Variants in CSRP1 observed in about 807,000 individuals in gnomAD.
The protein encoded by CSRP1 is cysteine and glycine rich protein 1.
In CSRP1, 16 loss-of-function variants were observed where a neutral mutation model predicts 25.4. That is an observed-to-expected ratio of 0.63 (90% confidence interval 0.43 to 0.96). The LOEUF is 0.96. CSRP1 is among the 40% of genes least tolerant of loss of function. The probability of loss-of-function intolerance (pLI) is 0.00; values close to 1 mark genes in which losing one functional copy is unlikely to be tolerated. For missense variants in CSRP1, 212 were observed against 243.6 expected (o/e 0.87, Z 0.86); for synonymous variants, 97 against 95.3 (o/e 1.02, Z -0.10).
intron 4 of CSRP1, chr1:201,486,489 C>T: frequency 3.0e-6 from 3 of 985,584 alleles, no homozygotes; most frequent in Non-Finnish European, 3.6e-6. Flanking sequence ...TAACCTTGCA[C>T]ATTGGCTTCT....
chr1:201,486,014 T>G (rs770654519), intron 4 of CSRP1: 1 of 152,276 alleles, frequency 6.6e-6, no homozygotes, highest in Non-Finnish European at 1.5e-5. Context: ...AGTCAGTTAG[T>G]GTTCACAGCT....
chr1:201,505,976 G>A (rs1003738250), intron 1 of CSRP1, among the ~76,000 whole-genome samples: 84 of 152,344 alleles, frequency 5.5e-4, no homozygotes, highest in African/African-American at 1.9e-3. Context: ...GTAACTGAGA[G>A]ATCACTCCTG....
chr1:201,505,488 C>G (rs1664799654), intron 1 of CSRP1, among the ~76,000 whole-genome samples: 1 of 120,002 alleles, frequency 8.3e-6, no homozygotes, highest in African/African-American at 3.2e-5. Context: ...GATGGGCCTT[C>G]TCTTTAGTTT....
intron 2 of CSRP1, chr1:201,492,132 T>C (rs1225560480): frequency 6.6e-6 from 1 of 152,172 alleles, no homozygotes; most frequent in Non-Finnish European, 1.5e-5. Context: ...CCTGGAATTG[T>C]TTTCCTGTAA....
chr1:201,505,746 G>A (rs1195106444), intron 1 of CSRP1, among the ~76,000 whole-genome samples: 1 of 152,248 alleles, frequency 6.6e-6, no homozygotes, highest in African/African-American at 2.4e-5. Context: ...GAGGGCTGAG[G>A]ACAGTCTCTC....
At chr1:201,490,132 G>A in intron 3 of CSRP1, 44 bp downstream of exon 3, 1 of 1,583,908 alleles carries the variant, frequency 6.3e-7, no homozygotes, top group Non-Finnish European at 8.6e-7. Flanking sequence ...ACAGGGTGGG[G>A]GAGAGAGCTC....
rs138821349 is a variant in CSRP1 at position 201,484,298 on chromosome 1, C to T, written c.*415G>A. 1.5e-3 allele frequency: 752 copies of T among 513,094 alleles called. 7 individuals carry two copies. Among genetic ancestry groups the T allele is most frequent in the African/African-American group, 0.013 (678 of 53,236 alleles). 31.8% of individuals were successfully genotyped at this position (513,094 alleles called of 1,614,324 possible). On this transcript the variant is annotated 3_prime_UTR_variant, in exon 6 of 6. Coordinates refer to ENST00000340006, the MANE Select transcript of CSRP1 (RefSeq NM_004078.3). ...GATCCAAAAAACCCAGCCTTCCCCC[C>T]TCCTCATCTTGGTCTTGCTTCCCTC... is the stretch of plus-strand genomic sequence containing the variant.
intron 4 of CSRP1, chr1:201,486,733 C>G (rs527295894): frequency 1.7e-5 from 18 of 1,067,316 alleles, no homozygotes; most frequent in African/African-American, 1.5e-4. Context: ...CAAAAGTACT[C>G]CCAGCTCAAC....
rs1398573760 is a variant in CSRP1, at chr1:201,488,838, C to A, written c.411+17G>T. 1.9e-6 allele frequency: 3 copies of A among 1,611,040 alleles called. No homozygotes were observed. The highest frequency in any genetic ancestry group is 2.5e-6 in the Non-Finnish European group (3 of 1,177,652). ...GATATCTCCCCCCATCCCTCTCATG[C>A]CCAGCAGCCACCTTACCTTCCCAGC... On this transcript the variant is annotated intron_variant, in intron 4 of 5. Coordinates refer to ENST00000340006, the MANE Select transcript of CSRP1 (RefSeq NM_004078.3).
intron 4 of CSRP1, chr1:201,488,511 GA>G (rs35324992): frequency 0.47 from 74,649 of 160,336 alleles, 20,242 homozygotes; most frequent in Non-Finnish European, 0.63. Context: ...AGGTTCCCAT[GA>G]AACTTTGTAT....
At chr1:201,494,406 C>T (rs1048315738) in intron 2 of CSRP1, among the ~76,000 whole-genome samples, 2 of 152,184 alleles carry the variant, frequency 1.3e-5, no homozygotes, top group Non-Finnish European at 2.9e-5. Flanking sequence ...GAAAGATAAA[C>T]GGCTTGGAAA....
intron 5 of CSRP1, 127 bp from the exon 6 acceptor site, chr1:201,484,916 T>C: frequency 1.3e-6 from 1 of 769,886 alleles, no homozygotes; most frequent in Non-Finnish European, 2.2e-6. Flanking sequence ...GGTCCACTGG[T>C]ACCCCCTCAC....
In CSRP1 at chr1:201,484,094, G is replaced by A. The variant is rs1305769984; in HGVS notation, c.*619C>T. On this transcript the variant is annotated 3_prime_UTR_variant, in exon 6 of 6. Transcript: ENST00000340006. ...GGGTTATTCTCCTCCCAGTCCTAGTGGGAGGCTATCCATTCCACAAAGACT... is the reference window on the plus strand; with the variant it reads ...GGGTTATTCTCCTCCCAGTCCTAGTAGGAGGCTATCCATTCCACAAAGACT... 7 of 679,620 alleles carry A rather than the reference G, an allele frequency of 1.0e-5. 1 individual carries two copies. Among genetic ancestry groups the A allele is most frequent in the South Asian group, 9.0e-5 (6 of 66,528 alleles). The allele number at this position is 679,620 out of a possible 1,614,324, so 42.1% of individuals were successfully genotyped here. A position where few individuals can be genotyped will look rare whatever the true frequency, so the allele number is the denominator to read the frequency against.
Position 201,485,308 on chromosome 1 carries a change from G to C in CSRP1, c.480C>G (p.Asp160Glu), listed in dbSNP as rs1234029339. 1 of 1,614,182 alleles carries C rather than the reference G, an allele frequency of 6.2e-7. No individual in the cohort carries two copies. Among genetic ancestry groups the C allele is most frequent in the Non-Finnish European group, 8.5e-7 (1 of 1,180,018 alleles). The change falls in exon 5 of 6, where the codon GAC becomes GAG. Residue 160 changes from aspartate to glutamate, a missense_variant. Transcript: ENST00000340006. ...CTTTGCAGTAAATCTCGCCATCCTTGTCTGCCAGGGTGGTTGACTCAAGGC... is the reference window on the plus strand; with the variant it reads ...CTTTGCAGTAAATCTCGCCATCCTTCTCTGCCAGGGTGGTTGACTCAAGGC... ...GKGLESTTLADKDGEIYCKGC... is the reference protein window; with the variant it reads ...GKGLESTTLAEKDGEIYCKGC...
chr1:201,489,045 C>CT, intron 3 of CSRP1, 61 bp from the exon 4 acceptor site: 1 of 1,602,452 alleles, frequency 6.2e-7, no homozygotes, highest in Non-Finnish European at 8.5e-7. Flanking sequence ...GGGGCTGGCA[C>CT]TGAGAGGGCA....
chr1:201,496,372 C>T (rs1470356014), intron 1 of CSRP1, 68 bp from the exon 2 acceptor site: 3 of 1,293,712 alleles, frequency 2.3e-6, no homozygotes, highest in African/African-American at 1.5e-5. Context: ...TTGTCCACGA[C>T]AGAAATGCAA....
intron 1 of CSRP1, among the ~76,000 whole-genome samples, chr1:201,498,818 A>C (rs1458981402): frequency 2.0e-5 from 3 of 152,188 alleles, no homozygotes; most frequent in Non-Finnish European, 4.4e-5. Flanking sequence ...CCTGGCTCCT[A>C]GTGGAGGTGC....
chr1:201,484,002 C>T lies in CSRP1; in HGVS notation c.*711G>A. 2 of 696,860 alleles carry T rather than the reference C, an allele frequency of 2.9e-6. No homozygotes were observed. Among genetic ancestry groups the T allele is most frequent in the South Asian group, 3.0e-5 (2 of 67,344 alleles). 43.2% of individuals were successfully genotyped at this position (696,860 alleles called of 1,614,324 possible). The stretch of plus-strand genomic sequence containing the variant: ...TTCAGGTATTTCATTAGGATCCTCC[C>T]ATCAAGCAGGGAACTAGATGTTTGA... On this transcript the variant is annotated 3_prime_UTR_variant, in exon 6 of 6. Coordinates refer to ENST00000340006, the MANE Select transcript of CSRP1 (RefSeq NM_004078.3).
At chr1:201,497,759 C>T (rs1222602890) in intron 1 of CSRP1, among the ~76,000 whole-genome samples, 1 of 152,160 alleles carries the variant, frequency 6.6e-6, no homozygotes, top group Non-Finnish European at 1.5e-5. Flanking sequence ...TGCCTGTAAT[C>T]CCAGCACTTT....
Sources: gnomAD v4.1 joint callset for allele counts (sites outside exome capture counted in the v4.1 genomes callset) on GRCh38, gnomAD v4.1.1 for gene constraint, MANE v1.5 for transcripts, NCBI Gene and HGNC (gene_info 2026-07-23, HGNC 2026-07-21) for gene names.